Variants in ZNF280C observed in about 807,000 individuals in gnomAD.
ZNF280C encodes zinc finger protein 280C, also known as suppressor of hairy wing homolog 3.
Under a neutral mutation model 53.6 loss-of-function variants are expected in ZNF280C, and 14 were observed. That is an observed-to-expected ratio of 0.26 (90% CI 0.17 to 0.41). The LOEUF (loss-of-function observed/expected upper bound fraction) is 0.41. Ranked by LOEUF, ZNF280C falls within the 10% of genes least tolerant of loss-of-function variation. The probability of loss-of-function intolerance (pLI) is 1.00; values close to 1 mark genes in which losing one functional copy is unlikely to be tolerated. For missense variants in ZNF280C, 416 were observed against 547.1 expected (o/e 0.76, Z 2.39); for synonymous variants, 203 against 181.1 (o/e 1.12, Z -0.97).
At chrX:130,251,300 A>AAAAAAAAAAAAAAAAAAAAAAC in intron 2 of ZNF280C, among the ~76,000 whole-genome samples, 1 of 102,085 alleles carries the variant, frequency 9.8e-6, no homozygotes, top group Non-Finnish European at 2.0e-5. Context: ...AAAAAAAAAA[A>AAAAAAAAAAAAAAAAAAAAAAC]AAAAAAAGAC....
At chrX:130,227,020 T>A (rs996664188) in intron 11 of ZNF280C, 115 bp from the exon 12 acceptor site, 2 of 593,601 alleles carry the variant, frequency 3.4e-6, no homozygotes, top group African/African-American at 4.6e-5. Flanking sequence ...CTAGTCCAGC[T>A]CTGCTGCCTA....
At chrX:130,232,349 T>C (rs1225601690) in intron 8 of ZNF280C, among the ~76,000 whole-genome samples, 3 of 107,795 alleles carry the variant, frequency 2.8e-5, no homozygotes, top group Admixed American at 1.0e-4. Context: ...TCCAATGAGA[T>C]GAAACTAATT....
At chrX:130,211,772 G>C (rs1331970694) in intron 15 of ZNF280C, among the ~76,000 whole-genome samples, 1 of 111,995 alleles carries the variant, frequency 8.9e-6, no homozygotes, top group Non-Finnish European at 1.9e-5. Flanking sequence ...GGGAATGTCT[G>C]GGGATAGAAT....
chrX:130,239,772 C>G, intron 5 of ZNF280C, 79 bp from the exon 6 acceptor site: 1 of 522,050 alleles, frequency 1.9e-6, no homozygotes, highest in Non-Finnish European at 3.1e-6. Flanking sequence ...TATAAAGAAT[C>G]TTAATAACTC....
In ZNF280C at chrX:130,237,058, A is replaced by G. The variant is rs113414479; in HGVS notation, c.494-419T>C. On this transcript the variant is annotated intron_variant, in intron 6 of 18. Coordinates refer to ENST00000370978, the MANE Select transcript of ZNF280C (RefSeq NM_017666.5). Reference sequence around the variant, plus strand: ...TCAACTTATATTTAGATGCTTAAATACATTTGAGTTTGTAAAATATTTAAA... The same window carrying G: ...TCAACTTATATTTAGATGCTTAAATGCATTTGAGTTTGTAAAATATTTAAA... 1.3e-3 allele frequency among the ~76,000 whole-genome samples: 147 copies of G among 112,224 alleles called. 1 individual carries two copies. The highest frequency in any genetic ancestry group is 4.4e-3 in the African/African-American group (138 of 31,113).
intron 2 of ZNF280C, among the ~76,000 whole-genome samples, chrX:130,254,663 A>C (rs945023096): frequency 8.9e-6 from 1 of 111,735 alleles, no homozygotes; most frequent in Non-Finnish European, 1.9e-5. Context: ...AGGAACAGAA[A>C]ACCTAATACC....
rs1443553523 is a variant in ZNF280C, at chrX:130,215,976, A to T, written c.1653T>A (p.Asn551Lys). Residue 551 changes from asparagine to lysine, a missense_variant, in exon 14 of 19, where the codon AAT becomes AAA. This residue lies in a region of ZNF280C where 151 missense variants were observed against 176.9 expected (regional missense o/e 0.85). Coordinates refer to ENST00000370978, the MANE Select transcript of ZNF280C (RefSeq NM_017666.5). ...ATCTACTGGCATTAGATTTTCTAGG[A>T]TTTCTAGCAGTTGTATTTTGAGATG... ...PPTSQNTTARNPRKSNASRSK... is the reference protein window; with the variant it reads ...PPTSQNTTARKPRKSNASRSK... The T allele has an allele frequency of 8.3e-7, 1 of 1,209,604 alleles. No individual in the cohort carries two copies. Among genetic ancestry groups the T allele is most frequent in the African/African-American group, 1.8e-5 (1 of 57,075 alleles).
chrX:130,228,617 C>CTTTTTTTTT (rs35926660), intron 10 of ZNF280C, among the ~76,000 whole-genome samples: 1 of 58,411 alleles, frequency 1.7e-5, no homozygotes, highest in Non-Finnish European at 2.8e-5. Flanking sequence ...TTTTCTTCTA[C>CTTTTTTTTT]TTTTTTTTTT....
chrX:130,263,823 G>C (rs1040143610), intron 1 of ZNF280C, among the ~76,000 whole-genome samples: 2 of 109,731 alleles, frequency 1.8e-5, no homozygotes, highest in South Asian at 3.9e-4. Flanking sequence ...TCAGGAGTTC[G>C]AGACCAGCCT....
At chrX:130,256,090 C>A (rs893369764) in intron 2 of ZNF280C, among the ~76,000 whole-genome samples, 6 of 111,117 alleles carry the variant, frequency 5.4e-5, no homozygotes, top group African/African-American at 2.0e-4. Context: ...CATGAAGGTG[C>A]CACTGCACTC....
intron 6 of ZNF280C, among the ~76,000 whole-genome samples, chrX:130,238,391 G>C (rs893110523): frequency 1.8e-5 from 2 of 111,386 alleles, no homozygotes; most frequent in Non-Finnish European, 3.8e-5. Context: ...TGAGAAAAAT[G>C]AAAGTATTTT....
Position 130,230,664 on chromosome X carries a change from C to A in ZNF280C, c.835G>T (p.Asp279Tyr), listed in dbSNP as rs760051183. 1.6e-5 allele frequency: 19 copies of A among 1,209,012 alleles called. No homozygotes were observed. Among genetic ancestry groups the A allele is most frequent in the Non-Finnish European group, 2.1e-5 (19 of 894,042 alleles). Residue 279 changes from aspartate to tyrosine, a missense_variant, in exon 9 of 19, where the codon GAT becomes TAT. Coordinates refer to ENST00000370978, the MANE Select transcript of ZNF280C (RefSeq NM_017666.5). ...GVIVKSERPCDEDKTDSETGK... is the reference protein window; with the variant it reads ...GVIVKSERPCYEDKTDSETGK... The stretch of plus-strand genomic sequence containing the variant: ...GTCTCTGAATCAGTCTTGTCTTCAT[C>A]ACATGGACGTTCTGATTTAACAATT...
chrX:130,208,340 G>C, intron 16 of ZNF280C, among the ~76,000 whole-genome samples: 1 of 111,342 alleles, frequency 9.0e-6, no homozygotes, highest in South Asian at 3.8e-4. Flanking sequence ...ATGTTGGCCA[G>C]GCTGGTCCTG....
chrX:130,244,949 T>A (rs2032435610), intron 3 of ZNF280C, among the ~76,000 whole-genome samples: 1 of 111,233 alleles, frequency 9.0e-6, no homozygotes, highest in Non-Finnish European at 1.9e-5. Context: ...AACAACTTGA[T>A]AATGTTTTCA....
At chrX:130,261,287 A>AGTTCTC (rs2032628489) in intron 1 of ZNF280C, among the ~76,000 whole-genome samples, 2 of 112,451 alleles carry the variant, frequency 1.8e-5, no homozygotes, top group African/African-American at 6.5e-5. Context: ...TTGTATCCTG[A>AGTTCTC]GTTCTCGTGC....
intron 12 of ZNF280C, among the ~76,000 whole-genome samples, chrX:130,224,489 G>A (rs1003093538): frequency 1.8e-5 from 2 of 111,840 alleles, no homozygotes; most frequent in African/African-American, 3.3e-5. Flanking sequence ...CAGAAGGATC[G>A]ATAGGACTTA....
At chrX:130,211,665 T>C in intron 15 of ZNF280C, among the ~76,000 whole-genome samples, 1 of 111,353 alleles carries the variant, frequency 9.0e-6, no homozygotes, top group Middle Eastern at 4.6e-3. Context: ...CAGTTCTAGA[T>C]GAGGTTAATG....
chrX:130,204,307 T>G lies in ZNF280C; in HGVS notation c.*670A>C, dbSNP rs1350907977. On this transcript the variant is annotated 3_prime_UTR_variant, in exon 19 of 19. Transcript: ENST00000370978. ...GCTCCCAATGGGAAGTTGTGCTCTA[T>G]TTGGTGGGCCTTGAGGTCATCTCTG... 3.6e-5 allele frequency: 4 copies of G among 112,538 alleles called. No homozygotes were observed. The Admixed American group carries it at 3.8e-4, about 11-fold the overall frequency. 9.3% of individuals were successfully genotyped at this position (112,538 alleles called of 1,213,427 possible).
In ZNF280C at chrX:130,239,536, G is replaced by A. The variant is rs776908808; in HGVS notation, c.493+46C>T. ...GAAATTCAATTCCATATGTATATTC[G>A]ACAAGTCTCTTTTTATAATTTTTAT... On this transcript the variant is annotated intron_variant, in intron 6 of 18. Coordinates refer to ENST00000370978, the MANE Select transcript of ZNF280C (RefSeq NM_017666.5). The A allele has an allele frequency of 1.1e-5, 9 of 798,006 alleles. No homozygotes were observed. In the Admixed American group the frequency reaches 1.2e-4, roughly 11 times the overall value. 65.8% of individuals were successfully genotyped at this position (798,006 alleles called of 1,213,427 possible). A position where few individuals can be genotyped will look rare whatever the true frequency, so the allele number is the denominator to read the frequency against.
Sources: gnomAD v4.1 joint callset for allele counts (sites outside exome capture counted in the v4.1 genomes callset) on GRCh38, gnomAD v4.1.1 for gene constraint, gnomAD v4.1.1 regional missense constraint, MANE v1.5 for transcripts, NCBI Gene and HGNC (gene_info 2026-07-23, HGNC 2026-07-21) for gene names.